Variants in BIN1 observed in about 807,000 individuals in gnomAD.
The protein encoded by BIN1 is myc box-dependent-interacting protein 1.
In BIN1, 53 loss-of-function variants were observed where a neutral mutation model predicts 82.0. The ratio of observed to expected loss-of-function variants is 0.65; its 90% CI spans 0.52 to 0.81. BIN1 has a LOEUF of 0.81. Ranked by LOEUF, BIN1 falls within the 40% of genes least tolerant of loss-of-function variation. The pLI, the probability that BIN1 is intolerant of heterozygous loss-of-function variation, is 0.00. For missense variants in BIN1, 642 were observed against 784.4 expected, an observed-to-expected ratio of 0.82 and a Z score of 2.17; for synonymous variants, 302 against 328.0, an observed-to-expected ratio of 0.92 and a Z score of 0.86.
chr2:127,069,281 A>C (rs1685551289), intron 5 of BIN1, among the ~76,000 whole-genome samples: 1 of 152,148 alleles, frequency 6.6e-6, no homozygotes, highest in East Asian at 1.9e-4. Context: ...GTGACGTGTC[A>C]GCCAAGTCTT....
Position 127,070,572 on chromosome 2 carries a change from T to C in BIN1, c.296A>G (p.Glu99Gly), listed in dbSNP as rs1685747063. The C allele has an allele frequency of 6.2e-7, 1 of 1,614,044 alleles. No individual in the cohort carries two copies. The highest frequency in any genetic ancestry group is 2.2e-5 in the East Asian group (1 of 44,850). Reference sequence around the variant, plus strand: ...GCTCACCTCTGCGATCTTGTTTGCCTCATCCCTGCCGGGCCAATCGGGCTC... The same window carrying C: ...GCTCACCTCTGCGATCTTGTTTGCCCCATCCCTGCCGGGCCAATCGGGCTC... ...VYEPDWPGRD[E>G]ANKIAENNDL... is the part of the protein sequence containing the mutation. The change falls in exon 4 of 19, where the codon GAG (glutamate) becomes GGG (glycine). Residue 99 changes from glutamate to glycine, a missense_variant. Transcript: ENST00000316724.
chr2:127,083,528 C>G (rs1687566586), intron 1 of BIN1, among the ~76,000 whole-genome samples: 1 of 152,172 alleles, frequency 6.6e-6, no homozygotes, highest in Non-Finnish European at 1.5e-5. Context: ...CAAGAACATG[C>G]TCCAAAATGC....
chr2:127,087,668 C>T lies in BIN1; in HGVS notation c.85-10962G>A, dbSNP rs115265415. On this transcript the variant is annotated intron_variant, in intron 1 of 18. Coordinates refer to ENST00000316724, the MANE Select transcript of BIN1 (RefSeq NM_139343.3). ...AGAGCAGGAACCGCTCATCCAAAGACCACATGTGCTCCAAATCCTGGCAGG... is the reference window on the plus strand; with the variant it reads ...AGAGCAGGAACCGCTCATCCAAAGATCACATGTGCTCCAAATCCTGGCAGG... Among the ~76,000 whole-genome samples the T allele has an allele frequency of 9.7e-3, 1,482 of 152,352 alleles. 25 individuals carry two copies. The highest frequency in any genetic ancestry group is 0.034 in the African/African-American group (1,432 of 41,584).
rs761117052 is a variant in BIN1 at position 127,051,209 on chromosome 2, T to G, written c.1406A>C (p.Gln469Pro). ...TGGCTCCTGGGCTCCAGCCGCAGGT[T>G]GGGTCCCACCCGCCACCTCCGAGGC... ...AEASEVAGGT[Q>P]PAAGAQEPGE... is the part of the protein sequence containing the mutation. Residue 469 changes from glutamine to proline, a missense_variant, in exon 16 of 19, where the codon CAA becomes CCA. Physicochemically the swap from Gln to Pro is moderately conservative, Grantham distance 76 (BLOSUM62 -1). Coordinates refer to ENST00000316724, the MANE Select transcript of BIN1 (RefSeq NM_139343.3). 1.2e-6 allele frequency: 2 copies of G among 1,613,652 alleles called. No homozygotes were observed. Among genetic ancestry groups the G allele is most frequent in the Non-Finnish European group, 8.5e-7 (1 of 1,179,936 alleles).
intron 1 of BIN1, among the ~76,000 whole-genome samples, chr2:127,102,495 C>A (rs1332462221): frequency 6.6e-6 from 1 of 152,238 alleles, no homozygotes; most frequent in African/African-American, 2.4e-5. Flanking sequence ...CCTCAATGTC[C>A]TCACACCTCT....
At chr2:127,103,046 T>G (rs912120860) in intron 1 of BIN1, among the ~76,000 whole-genome samples, 9 of 152,118 alleles carry the variant, frequency 5.9e-5, no homozygotes, top group South Asian at 2.1e-4. Context: ...TGCTAGGGCC[T>G]GGGAAGGGGG....
At chr2:127,072,879 A>G (rs1005945632) in intron 2 of BIN1, among the ~76,000 whole-genome samples, 1 of 152,120 alleles carries the variant, frequency 6.6e-6, no homozygotes, top group African/African-American at 2.4e-5. Flanking sequence ...TTCACAATTA[A>G]AGGCTTTGTT....
intron 1 of BIN1, among the ~76,000 whole-genome samples, chr2:127,083,471 G>A (rs969476976): frequency 1.3e-5 from 2 of 152,138 alleles, no homozygotes; most frequent in Non-Finnish European, 2.9e-5. Flanking sequence ...GATGACCTTC[G>A]CTCCACAATA....
At chr2:127,094,444 C>G (rs1679323204) in intron 1 of BIN1, among the ~76,000 whole-genome samples, 1 of 152,170 alleles carries the variant, frequency 6.6e-6, no homozygotes, top group Non-Finnish European at 1.5e-5. Flanking sequence ...GCTGTTAGCC[C>G]GTTTTATGGA....
chr2:127,087,267 G>A (rs1003638287), intron 1 of BIN1, among the ~76,000 whole-genome samples: 1 of 152,168 alleles, frequency 6.6e-6, no homozygotes, highest in Non-Finnish European at 1.5e-5. Context: ...AGAAGGGGGA[G>A]GGGAAGGAAG....
intron 10 of BIN1, among the ~76,000 whole-genome samples, chr2:127,061,012 C>G (rs1684384771): frequency 6.6e-6 from 1 of 152,168 alleles, no homozygotes; most frequent in Non-Finnish European, 1.5e-5. Flanking sequence ...AGGGAGACTC[C>G]TGGGCCTCTA....
chr2:127,056,674 G>T (rs1683714364), intron 12 of BIN1, among the ~76,000 whole-genome samples: 1 of 152,334 alleles, frequency 6.6e-6, no homozygotes, highest in Admixed American at 6.5e-5. Context: ...AGGCCTTGAG[G>T]GCTGGACTTG....
intron 10 of BIN1, chr2:127,060,654 C>T (rs372575313): frequency 3.4e-5 from 55 of 1,614,124 alleles, no homozygotes; most frequent in African/African-American, 8.0e-5. Flanking sequence ...TGGGGACGGA[C>T]GGGAGGTGGA....
At position 127,064,260 on chromosome 2, in the gene BIN1, C is replaced by T. The variant is rs549400109; in HGVS notation, c.613-242G>A. On this transcript the variant is annotated intron_variant, in intron 7 of 18. Coordinates refer to ENST00000316724, the MANE Select transcript of BIN1 (RefSeq NM_139343.3). ...GCAGCCGTTGCCAAAGAGAGGCCCACGTGGCCGGGAGGGCAGTGAGCGTGG... is the reference window on the plus strand; with the variant it reads ...GCAGCCGTTGCCAAAGAGAGGCCCATGTGGCCGGGAGGGCAGTGAGCGTGG... 2.0e-5 allele frequency among the ~76,000 whole-genome samples: 3 copies of T among 152,352 alleles called. No homozygotes were observed. In the South Asian group the frequency reaches 6.2e-4, roughly 32 times the overall value.
In BIN1 at chr2:127,057,834, C is replaced by T. The variant is rs753369407; in HGVS notation, c.1003-233G>A. 2.6e-5 allele frequency among the ~76,000 whole-genome samples: 4 copies of T among 151,248 alleles called. No homozygotes were observed. Among genetic ancestry groups the T allele is most frequent in the Admixed American group, 6.6e-5 (1 of 15,180 alleles). On this transcript the variant is annotated intron_variant, in intron 11 of 18. Transcript: ENST00000316724. The surrounding 1 kb of genome is among the most constrained non-coding windows in gnomAD (Gnocchi z 5.0). ...GACACTGAGGCAGGCGGTCCAGAAA[C>T]GCTGTGTGGAGAGAGAAGAGATAGA...
Position 127,090,272 on chromosome 2 carries a change from G to A in BIN1, c.85-13566C>T, listed in dbSNP as rs1000059568. Among the ~76,000 whole-genome samples, 16 of 152,238 alleles carry A rather than the reference G, an allele frequency of 1.1e-4. No homozygotes were observed. The highest frequency in any genetic ancestry group is 4.6e-4 in the Admixed American group (7 of 15,292). ...CTGAAGACAGTGGCCATCGCAGCAA[G>A]GCCAGCCTGGTGCAACCCGCTGTGG... On this transcript the variant is annotated intron_variant, in intron 1 of 18. Coordinates refer to ENST00000316724, the MANE Select transcript of BIN1 (RefSeq NM_139343.3). The surrounding 1 kb of genome is among the most constrained non-coding windows in gnomAD (Gnocchi z 6.4).
chr2:127,105,722 C>A (rs1292516659), intron 1 of BIN1, among the ~76,000 whole-genome samples: 2 of 152,182 alleles, frequency 1.3e-5, no homozygotes. Flanking sequence ...GTCTCAGAAG[C>A]AAAAGTCATT....
Position 127,082,374 on chromosome 2 carries a change from G to T in BIN1, c.85-5668C>A, listed in dbSNP as rs945314380. ...CAGAGGGCAGGATGGCCAGCTGAAGGCCTCCGTGGTCACAAGCTCTGAGGC... is the reference window on the plus strand; with the variant it reads ...CAGAGGGCAGGATGGCCAGCTGAAGTCCTCCGTGGTCACAAGCTCTGAGGC... On this transcript the variant is annotated intron_variant, in intron 1 of 18. Coordinates refer to ENST00000316724, the MANE Select transcript of BIN1 (RefSeq NM_139343.3). This position sits in a 1 kb window ranked among gnomAD's most constrained non-coding sequence, Gnocchi z 6.1. 6.6e-6 allele frequency among the ~76,000 whole-genome samples: 1 copy of T among 152,214 alleles called. No individual in the cohort carries two copies. The highest frequency in any genetic ancestry group is 6.5e-5 in the Admixed American group (1 of 15,282).
chr2:127,055,629 C>G (rs1683553878), intron 12 of BIN1: 2 of 152,382 alleles, frequency 1.3e-5, no homozygotes, highest in East Asian at 1.9e-4. Context: ...CAGCAACACC[C>G]CTCCCTCCTG....
Sources: allele counts gnomAD v4.1 joint callset (sites outside exome capture counted in the v4.1 genomes callset), GRCh38; gene constraint gnomAD v4.1.1; non-coding constraint Gnocchi (gnomAD v3.1); transcripts MANE v1.5; gene names NCBI Gene and HGNC (gene_info 2026-07-23, HGNC 2026-07-21).